Variants in ZNF484 observed in about 807,000 individuals in gnomAD.
The protein encoded by ZNF484 is zinc finger protein 484, also known as KRAB box containing C2H2 type zinc finger bA526D8.4.
ZNF484 carries 11 observed loss-of-function variants against 12.9 expected under a neutral mutation model. The ratio of observed to expected loss-of-function variants is 0.85; its 90% confidence interval spans 0.54 to 1.41. ZNF484 has a LOEUF of 1.41. Ranked by LOEUF, ZNF484 falls within the 40% of genes most tolerant of loss-of-function variation. The pLI is 0.00. For missense variants in ZNF484, 807 were observed against 1,007.7 expected (o/e 0.80, Z 2.70); for synonymous variants, 289 against 334.1 (o/e 0.86, Z 1.47).
rs138948571 is a variant in ZNF484 at position 92,869,642 on chromosome 9, G to C, written c.15+5373C>G. On this transcript the variant is annotated intron_variant, in intron 2 of 4. Coordinates refer to ENST00000375495, the MANE Select transcript of ZNF484 (RefSeq NM_031486.4). ...GTGTACGTGAGTGTCAAGGGCCTGA[G>C]TGTCTGAAAGAGAGCTAATTCCTTC... Among the ~76,000 whole-genome samples, 58 of 152,342 alleles carry C rather than the reference G, an allele frequency of 3.8e-4. No individual in the cohort carries two copies. In the East Asian group the frequency reaches 8.3e-3, roughly 22 times the overall value.
chr9:92,856,180 A>C lies in ZNF484; in HGVS notation c.142+12T>G. The C allele has an allele frequency of 6.2e-7, 1 of 1,613,256 alleles. No individual in the cohort carries two copies. The highest frequency in any genetic ancestry group is 1.1e-5 in the South Asian group (1 of 90,972). ...GTGCAGCCTACTCTATACCCAGCAGAGCCGTGCTTACCCACTGAGATCAAG... is the reference window on the plus strand; with the variant it reads ...GTGCAGCCTACTCTATACCCAGCAGCGCCGTGCTTACCCACTGAGATCAAG... On this transcript the variant is annotated intron_variant, in intron 3 of 4. Coordinates refer to ENST00000375495, the MANE Select transcript of ZNF484 (RefSeq NM_031486.4).
At chr9:92,875,089 T>C in intron 1 of ZNF484, 30 bp from the exon 2 acceptor site, 1 of 1,609,896 alleles carries the variant, frequency 6.2e-7, no homozygotes, top group Non-Finnish European at 8.5e-7. Flanking sequence ...GAGGTACCCA[T>C]GAGAGAAGGA....
chr9:92,852,789 A>G (rs775505545), intron 4 of ZNF484, among the ~76,000 whole-genome samples: 2 of 150,290 alleles, frequency 1.3e-5, no homozygotes, highest in African/African-American at 2.5e-5. Context: ...CACCCACCTC[A>G]GCCTCCCAAA....
At chr9:92,867,604 T>C (rs539245546) in intron 2 of ZNF484, among the ~76,000 whole-genome samples, 1 of 152,294 alleles carries the variant, frequency 6.6e-6, no homozygotes, top group African/African-American at 2.4e-5. Flanking sequence ...ATTCTGCACA[T>C]GTATCCTGGA....
At chr9:92,853,489 C>A (rs752244168) in intron 4 of ZNF484, among the ~76,000 whole-genome samples, 9 of 152,230 alleles carry the variant, frequency 5.9e-5, no homozygotes, top group African/African-American at 4.8e-5. Flanking sequence ...CTGACTGAGA[C>A]ACACAAATAA....
chr9:92,846,295 T>C lies in ZNF484; in HGVS notation c.2492A>G (p.Glu831Gly). The change falls in exon 5 of 5, where the codon GAG becomes GGG. Residue 831 changes from glutamate (E) to glycine (G), a missense_variant. Coordinates refer to ENST00000375495, the MANE Select transcript of ZNF484 (RefSeq NM_031486.4). ...MPQKSDNGEVECSMPQLWCGD... is the reference protein window; with the variant it reads ...MPQKSDNGEVGCSMPQLWCGD... ...ACACCATAATTGTGGCATGGAGCAC[T>C]CTACTTCCCCATTGTCAGATTTCTG... The C allele has an allele frequency of 6.2e-7, 1 of 1,614,162 alleles. No individual in the cohort carries two copies. The highest frequency in any genetic ancestry group is 8.5e-7 in the Non-Finnish European group (1 of 1,180,010).
intron 2 of ZNF484, among the ~76,000 whole-genome samples, chr9:92,859,734 C>T (rs550422145): frequency 9.9e-5 from 15 of 152,172 alleles, no homozygotes; most frequent in Non-Finnish European, 8.8e-5. Context: ...TCAGGTTCCA[C>T]AATTCACAGA....
chr9:92,853,867 C>T (rs7859380), intron 4 of ZNF484, among the ~76,000 whole-genome samples: 73,020 of 151,846 alleles, frequency 0.48, 18,628 homozygotes, highest in African/African-American at 0.65. Flanking sequence ...TCAAGAGTGA[C>T]GATGAGACAC....
At chr9:92,863,802 G>A (rs559162062) in intron 2 of ZNF484, among the ~76,000 whole-genome samples, 7 of 152,310 alleles carry the variant, frequency 4.6e-5, no homozygotes, top group East Asian at 1.9e-4. Flanking sequence ...ATTATAGGAC[G>A]TTAGGCAGAG....
intron 2 of ZNF484, among the ~76,000 whole-genome samples, chr9:92,869,424 T>G (rs1857297848): frequency 8.1e-6 from 1 of 122,704 alleles, no homozygotes; most frequent in Non-Finnish European, 1.7e-5. Flanking sequence ...CCCCAAATTA[T>G]GATATACCCA....
intron 2 of ZNF484, among the ~76,000 whole-genome samples, chr9:92,864,450 A>T (rs1284999998): frequency 1.3e-5 from 2 of 152,200 alleles, no homozygotes; most frequent in Non-Finnish European, 2.9e-5. Flanking sequence ...AACAACAAAA[A>T]AAAAAGGTGT....
At chr9:92,855,533 C>T (rs1223478434) in intron 4 of ZNF484, among the ~76,000 whole-genome samples, 1 of 151,630 alleles carries the variant, frequency 6.6e-6, no homozygotes, top group East Asian at 1.9e-4. Context: ...AAAACAGGAC[C>T]CTAGAAAGTA....
rs1855657413 is a variant in ZNF484, at chr9:92,846,945, C to T, written c.1842G>A (p.Gly614=). 1 of 1,613,206 alleles carries T rather than the reference C, an allele frequency of 6.2e-7. No homozygotes were observed. Among genetic ancestry groups the T allele is most frequent in the Non-Finnish European group, 8.5e-7 (1 of 1,179,774 alleles). ...GCTGTGATTTCTTAGTGAAGGATTT[C>T]CCACAAATACTGCATTCATAGGGTT... ...GEKPYECSIC[G]KSFTKKSQLH... The change falls in exon 5 of 5, where the codon GGG becomes GGA. Residue 614 remains glycine, a synonymous_variant. Transcript: ENST00000375495.
chr9:92,856,347 AT>A, intron 2 of ZNF484, 29 bp from the exon 3 acceptor site: 1 of 1,501,708 alleles, frequency 6.7e-7, no homozygotes, highest in Non-Finnish European at 8.9e-7. Context: ...AAACTTTAAA[AT>A]AATTTTTTAA....
At position 92,848,331 on chromosome 9, in the gene ZNF484, G is replaced by A. The variant is rs1372171351; in HGVS notation, c.456C>T (p.Ile152=). 2 of 1,613,970 alleles carry A rather than the reference G, an allele frequency of 1.2e-6. No individual in the cohort carries two copies. The highest frequency in any genetic ancestry group is 1.7e-6 in the Non-Finnish European group (2 of 1,180,012). The change falls in exon 5 of 5, where the codon ATC becomes ATT. Residue 152 remains isoleucine, a synonymous_variant. Coordinates refer to ENST00000375495, the MANE Select transcript of ZNF484 (RefSeq NM_031486.4). The surrounding 1 kb of genome is among the most constrained non-coding windows in gnomAD (Gnocchi z 4.1). ...INKKTLANDS[I]FEYKDIGEIV... The stretch of plus-strand genomic sequence containing the variant: ...TTTCCCCAATGTCCTTATATTCAAA[G>A]ATGCTGTCATTAGCTAGTGTTTTCT...
Position 92,872,231 on chromosome 9 carries a change from CAAAAAAA to C in ZNF484, c.15+2777_15+2783del, listed in dbSNP as rs59372760. ...GGGCAACAAGAGCAAATCTCTGCCTCAAAAAAAAAAAAAAAAAAAAAAAAAAGTTAAA... is the reference window on the plus strand; with the variant it reads ...GGGCAACAAGAGCAAATCTCTGCCTCAAAAAAAAAAAAAAAAAAAGTTAAA... On this transcript the variant is annotated intron_variant, in intron 2 of 4. Transcript: ENST00000375495. 2.2e-3 allele frequency among the ~76,000 whole-genome samples: 100 copies of C among 45,580 alleles called. 1 individual carries two copies. The highest frequency in any genetic ancestry group is 0.01 in the African/African-American group (92 of 9,164). The allele number at this position is 45,580 out of a possible 152,430, so 29.9% of individuals were successfully genotyped here. A position where few individuals can be genotyped will look rare whatever the true frequency, so the allele number is the denominator to read the frequency against.
At position 92,849,289 on chromosome 9, in the gene ZNF484, G is replaced by A. The variant is rs140172604; in HGVS notation, c.236-738C>T. On this transcript the variant is annotated intron_variant, in intron 4 of 4. Coordinates refer to ENST00000375495, the MANE Select transcript of ZNF484 (RefSeq NM_031486.4). ...AAAAAAAAAGAGTTGATTCAAGGCA[G>A]ACACAGAGATATGAGAGAGACTATA... 3.3e-3 allele frequency among the ~76,000 whole-genome samples: 494 copies of A among 151,742 alleles called. 1 individual carries two copies. Among genetic ancestry groups the A allele is most frequent in the African/African-American group, 0.011 (463 of 41,404 alleles).
rs1855564902 is a variant in ZNF484, at chr9:92,846,084, T to A, written c.*144A>T. 2 of 775,308 alleles carry A rather than the reference T, an allele frequency of 2.6e-6. No homozygotes were observed. Among genetic ancestry groups the A allele is most frequent in the South Asian group, 4.1e-5 (2 of 49,088 alleles). 48.0% of individuals were successfully genotyped at this position (775,308 alleles called of 1,614,324 possible). A position where few individuals can be genotyped will look rare whatever the true frequency, so the allele number is the denominator to read the frequency against. On this transcript the variant is annotated 3_prime_UTR_variant, in exon 5 of 5. Transcript: ENST00000375495. ...AGACTGCCAATCATCTCCTTGCACA[T>A]TTACTATTATTTGCAGGAGCTTGAC...
chr9:92,867,419 T>C (rs1340886167), intron 2 of ZNF484, among the ~76,000 whole-genome samples: 2 of 151,384 alleles, frequency 1.3e-5, no homozygotes, highest in Non-Finnish European at 2.9e-5. Flanking sequence ...GAGGCGGAGG[T>C]TGTGGTGAGC....
Sources: allele counts gnomAD v4.1 joint callset (sites outside exome capture counted in the v4.1 genomes callset), GRCh38; gene constraint gnomAD v4.1.1; non-coding constraint Gnocchi (gnomAD v3.1); transcripts MANE v1.5; gene names NCBI Gene and HGNC (gene_info 2026-07-23, HGNC 2026-07-21).